The following FAM216A variants were observed in gnomAD, a reference collection of about 807,000 sequenced individuals.
FAM216A encodes family with sequence similarity 216 member A.
In FAM216A, 26 loss-of-function variants were observed where a neutral mutation model predicts 37.6. The ratio of observed to expected loss-of-function variants is 0.69; its 90% CI spans 0.51 to 0.96. The LOEUF is 0.96. Among genes scored for constraint, FAM216A ranks in the 40% least tolerant of loss-of-function variants. FAM216A has a pLI of 0.00. For synonymous variants in FAM216A, 110 were observed against 121.7 expected (o/e 0.90, Z 0.64); for missense variants, 326 against 339.3 (o/e 0.96, Z 0.31).
intron 1 of FAM216A, among the ~76,000 whole-genome samples, chr12:110,471,644 T>C (rs1255163179): frequency 6.6e-6 from 1 of 152,202 alleles, no homozygotes; most frequent in Non-Finnish European, 1.5e-5. Flanking sequence ...AGGATCACGC[T>C]GGTTGCTAGT....
intron 1 of FAM216A, among the ~76,000 whole-genome samples, chr12:110,469,538 C>T (rs1053537021): frequency 1.3e-5 from 2 of 151,836 alleles, no homozygotes; most frequent in Non-Finnish European, 2.9e-5. Context: ...GCGAGACAGT[C>T]TCGCTCTGTT....
intron 2 of FAM216A, among the ~76,000 whole-genome samples, chr12:110,478,818 GTGT>G (rs1345871393): frequency 9.2e-5 from 14 of 152,248 alleles, no homozygotes; most frequent in African/African-American, 3.4e-4. Flanking sequence ...CAATACGTGA[GTGT>G]TGTTTTAAGC....
At chr12:110,473,623 A>C (rs568330825) in intron 2 of FAM216A, among the ~76,000 whole-genome samples, 1 of 152,364 alleles carries the variant, frequency 6.6e-6, no homozygotes, top group South Asian at 2.1e-4. Flanking sequence ...TATATTTTAC[A>C]TCAAGCATTT....
chr12:110,480,277 C>G (rs1185208997), intron 2 of FAM216A, among the ~76,000 whole-genome samples: 1 of 146,738 alleles, frequency 6.8e-6, no homozygotes, highest in Non-Finnish European at 1.5e-5. Context: ...GATCTTGGCT[C>G]ACTGCAAGCT....
chr12:110,484,449 A>C (rs983276890), intron 2 of FAM216A, among the ~76,000 whole-genome samples: 10 of 149,968 alleles, frequency 6.7e-5, no homozygotes, highest in African/African-American at 1.2e-4. Flanking sequence ...AAAAAAAAAA[A>C]AAAAAACTAT....
At chr12:110,486,249 C>T (rs893983061) in intron 3 of FAM216A, 76 bp from the exon 4 acceptor site, 1 of 1,412,400 alleles carries the variant, frequency 7.1e-7, no homozygotes. Flanking sequence ...CTTGAACATT[C>T]ATCTCTTCAG....
At chr12:110,487,708 G>A in intron 5 of FAM216A, 153 bp from the exon 6 acceptor site, 2 of 641,226 alleles carry the variant, frequency 3.1e-6, no homozygotes, top group Non-Finnish European at 5.6e-6. Flanking sequence ...AGCTTTACAT[G>A]TCAGGGTTAA....
chr12:110,482,873 C>T (rs773505479), intron 2 of FAM216A, among the ~76,000 whole-genome samples: 3 of 151,114 alleles, frequency 2.0e-5, no homozygotes, highest in Non-Finnish European at 2.9e-5. Context: ...ATCTCAAAAT[C>T]GTTAGGTTGA....
intron 2 of FAM216A, among the ~76,000 whole-genome samples, chr12:110,474,272 G>C (rs949080278): frequency 1.9e-4 from 29 of 152,030 alleles, no homozygotes; most frequent in African/African-American, 6.8e-4. Context: ...GATGTGGAGG[G>C]AAATAAAGAA....
At chr12:110,481,177 T>C (rs901145856) in intron 2 of FAM216A, among the ~76,000 whole-genome samples, 1 of 152,180 alleles carries the variant, frequency 6.6e-6, no homozygotes, top group Non-Finnish European at 1.5e-5. Flanking sequence ...TGTTGATGGA[T>C]ACTTGGGTTT....
At chr12:110,481,289 G>C (rs1164731314) in intron 2 of FAM216A, among the ~76,000 whole-genome samples, 1 of 152,204 alleles carries the variant, frequency 6.6e-6, no homozygotes, top group Non-Finnish European at 1.5e-5. Flanking sequence ...TGGATCAGAA[G>C]TGGAATTATT....
chr12:110,479,649 C>T (rs2062734900), intron 2 of FAM216A, among the ~76,000 whole-genome samples: 2 of 151,520 alleles, frequency 1.3e-5, no homozygotes, highest in African/African-American at 4.8e-5. Context: ...CCATTCTGGC[C>T]AACATGATGA....
intron 5 of FAM216A, 192 bp from the exon 6 acceptor site, chr12:110,487,669 C>T (rs2062784688): frequency 5.3e-6 from 3 of 569,422 alleles, no homozygotes; most frequent in Non-Finnish European, 6.2e-6. Context: ...AAAGATTAAG[C>T]AGCATGAGTA....
At chr12:110,478,560 T>A (rs1349106634) in intron 2 of FAM216A, among the ~76,000 whole-genome samples, 1 of 152,048 alleles carries the variant, frequency 6.6e-6, no homozygotes, top group African/African-American at 2.4e-5. Flanking sequence ...CAGTTAGATG[T>A]GAAAGGAGAG....
At chr12:110,477,734 G>C (rs1381890485) in intron 2 of FAM216A, among the ~76,000 whole-genome samples, 1 of 150,726 alleles carries the variant, frequency 6.6e-6, no homozygotes. Context: ...TTGAGACAGA[G>C]TCTCCCTCTG....
Position 110,473,082 on chromosome 12 carries a change from G to A in FAM216A, c.148G>A (p.Ala50Thr). ...AGTEGGGGGS[A>T]GYSCYQNSKG... ...TATGCTTTATTTTTTCAACAGATCAGCTGGATACTCTTGTTACCAGAATTC... is the reference window on the plus strand; with the variant it reads ...TATGCTTTATTTTTTCAACAGATCAACTGGATACTCTTGTTACCAGAATTC... The change falls in exon 2 of 7, where the codon GCT becomes ACT. Residue 50 changes from alanine to threonine, a missense_variant. Transcript: ENST00000377673. The A allele has an allele frequency of 6.4e-7, 1 of 1,550,510 alleles. No individual in the cohort carries two copies. The highest frequency in any genetic ancestry group is 8.8e-7 in the Non-Finnish European group (1 of 1,134,506).
intron 2 of FAM216A, among the ~76,000 whole-genome samples, chr12:110,474,321 T>C (rs1246126353): frequency 6.6e-6 from 1 of 152,066 alleles, no homozygotes; most frequent in East Asian, 1.9e-4. Flanking sequence ...GACTTAGTTA[T>C]ATAAAAGAAA....
At chr12:110,485,746 A>G (rs2062773578) in intron 3 of FAM216A, among the ~76,000 whole-genome samples, 1 of 152,198 alleles carries the variant, frequency 6.6e-6, no homozygotes, top group South Asian at 2.1e-4. Context: ...TTTTCTTTGA[A>G]CTTACCATGT....
At chr12:110,480,818 C>A (rs1340592053) in intron 2 of FAM216A, among the ~76,000 whole-genome samples, 1 of 151,976 alleles carries the variant, frequency 6.6e-6, no homozygotes, top group African/African-American at 2.4e-5. Context: ...TGGAGGATCG[C>A]TGGAGCCCAG....
Sources: gnomAD v4.1 joint callset for allele counts (sites outside exome capture counted in the v4.1 genomes callset) on GRCh38, gnomAD v4.1.1 for gene constraint, MANE v1.5 for transcripts, NCBI Gene and HGNC (gene_info 2026-07-23, HGNC 2026-07-21) for gene names.